Variants in TXK observed in about 807,000 individuals in gnomAD.
TXK encodes tyrosine-protein kinase TXK.
Under a neutral mutation model 81.0 loss-of-function variants are expected in TXK, and 60 were observed. The observed-to-expected ratio is 0.74, with a 90% confidence interval of 0.60 to 0.92. The LOEUF is 0.92. Ranked by LOEUF, TXK falls within the 40% of genes least tolerant of loss-of-function variation. The pLI is 0.00. For missense variants in TXK, 581 were observed against 638.3 expected (o/e 0.91, Z 0.97); for synonymous variants, 203 against 210.7 (o/e 0.96, Z 0.32).
chr4:48,079,004 G>A (rs1265655795), intron 11 of TXK, among the ~76,000 whole-genome samples: 11 of 152,154 alleles, frequency 7.2e-5, no homozygotes, highest in Non-Finnish European at 1.6e-4. Context: ...TCACATGATA[G>A]GTTAGGTGGT....
intron 5 of TXK, among the ~76,000 whole-genome samples, chr4:48,107,539 AT>A (rs897689741): frequency 6.6e-5 from 10 of 151,520 alleles, no homozygotes; most frequent in South Asian, 2.1e-4. Flanking sequence ...AGTTTATTTT[AT>A]TTTTTTTCTT....
At chr4:48,114,235 G>A in intron 2 of TXK, 113 bp downstream of exon 2, 1 of 1,066,604 alleles carries the variant, frequency 9.4e-7, no homozygotes, top group Non-Finnish European at 1.4e-6. Flanking sequence ...GAAAATGGGA[G>A]AAGGTTCCCA....
In TXK at chr4:48,067,724, G is replaced by A. The variant is rs1209468149; in HGVS notation, c.1516-19C>T. The A allele has an allele frequency of 6.2e-7, 1 of 1,612,252 alleles. No individual in the cohort carries two copies. Among genetic ancestry groups the A allele is most frequent in the Non-Finnish European group, 8.5e-7 (1 of 1,178,558 alleles). On this transcript the variant is annotated intron_variant, in intron 14 of 14. Transcript: ENST00000264316. ...CAGGTTTCTGGAAAAGGGAAGTGGG[G>A]GTGGTTAGCTCAGCTTAACCAACTT...
At chr4:48,111,517 G>A (rs1028334128) in intron 4 of TXK, among the ~76,000 whole-genome samples, 12 of 152,158 alleles carry the variant, frequency 7.9e-5, no homozygotes, top group Non-Finnish European at 1.0e-4. Context: ...TCTGAGGCAT[G>A]CCAATAGTAT....
rs1382914829 is a variant in TXK, at chr4:48,071,582, T to A, written c.1450A>T (p.Arg484Trp). The change falls in exon 14 of 15, where the codon AGG becomes TGG. Residue 484 changes from arginine to tryptophan, a missense_variant. Arg to Trp is a moderately radical substitution (Grantham distance 101, BLOSUM62 -3). Transcript: ENST00000264316. ...QVVEAISEGF[R>W]LYRPHLAPMS... ...GGTGCCAGGTGAGGGCGATATAGCC[T>A]GAAGCCTTCAGAAATAGCTTCCACG... 1 of 1,614,204 alleles carries A rather than the reference T, an allele frequency of 6.2e-7. No individual in the cohort carries two copies. The highest frequency in any genetic ancestry group is 2.2e-5 in the East Asian group (1 of 44,882).
chr4:48,113,372 C>T, intron 2 of TXK, 63 bp from the exon 3 acceptor site: 1 of 1,291,714 alleles, frequency 7.7e-7, no homozygotes, highest in South Asian at 1.4e-5. Context: ...TATACATCCA[C>T]TAGATTTTCA....
chr4:48,095,307 T>C, intron 6 of TXK, 85 bp from the exon 7 acceptor site: 1 of 1,001,780 alleles, frequency 1.0e-6, no homozygotes, highest in East Asian at 2.5e-5. Flanking sequence ...CAAAGCTATA[T>C]TGACTTACCA....
chr4:48,133,231 T>C (rs1316810645), intron 1 of TXK, among the ~76,000 whole-genome samples: 3 of 152,110 alleles, frequency 2.0e-5, no homozygotes, highest in Non-Finnish European at 4.4e-5. Context: ...GCTTGGTTTT[T>C]TTTTTTATTC....
chr4:48,124,565 T>A (rs1719037823), intron 1 of TXK, among the ~76,000 whole-genome samples: 2 of 152,108 alleles, frequency 1.3e-5, no homozygotes, highest in Non-Finnish European at 1.5e-5. Flanking sequence ...GAGCTCTTCT[T>A]TTTTTCCACT....
intron 10 of TXK, among the ~76,000 whole-genome samples, chr4:48,083,633 C>T (rs756667296): frequency 2.0e-5 from 3 of 152,204 alleles, no homozygotes; most frequent in Non-Finnish European, 4.4e-5. Flanking sequence ...TAGAAGCTAC[C>T]ACTTGGAGTT....
intron 12 of TXK, among the ~76,000 whole-genome samples, chr4:48,074,604 A>C (rs950056474): frequency 1.1e-4 from 16 of 152,142 alleles, no homozygotes; most frequent in African/African-American, 3.4e-4. Flanking sequence ...AACCAAGAAT[A>C]ACTACCGTCT....
At chr4:48,114,430 T>C in intron 1 of TXK, 28 bp from the exon 2 acceptor site, 1 of 1,612,636 alleles carries the variant, frequency 6.2e-7, no homozygotes, top group Non-Finnish European at 8.5e-7. Flanking sequence ...TCTCAGCTGT[T>C]AGAAAGCCAT....
At chr4:48,095,376 C>A (rs964433473) in intron 6 of TXK, among the ~76,000 whole-genome samples, 154 bp from the exon 7 acceptor site, 2 of 152,150 alleles carry the variant, frequency 1.3e-5, no homozygotes, top group African/African-American at 2.4e-5. Context: ...TACAAGTACA[C>A]AAAATCTTAT....
chr4:48,129,896 TGAA>T (rs1719203419), intron 1 of TXK, among the ~76,000 whole-genome samples: 1 of 152,186 alleles, frequency 6.6e-6, no homozygotes, highest in South Asian at 2.1e-4. Context: ...GCTTGTGATG[TGAA>T]GAAGTGCTTG....
At chr4:48,117,180 G>A (rs928945720) in intron 1 of TXK, among the ~76,000 whole-genome samples, 11 of 152,052 alleles carry the variant, frequency 7.2e-5, no homozygotes, top group African/African-American at 2.4e-4. Context: ...GAGTCACCGC[G>A]CTCGGCCCAT....
At chr4:48,117,962 A>G (rs1718855184) in intron 1 of TXK, among the ~76,000 whole-genome samples, 1 of 152,140 alleles carries the variant, frequency 6.6e-6, no homozygotes, top group Non-Finnish European at 1.5e-5. Context: ...CCTCCACAAC[A>G]TGGGTCATCT....
chr4:48,100,300 C>A (rs1458952245), intron 6 of TXK, among the ~76,000 whole-genome samples: 2 of 151,758 alleles, frequency 1.3e-5, no homozygotes, highest in Non-Finnish European at 2.9e-5. Flanking sequence ...AATAATGCCA[C>A]ATGTCACAAA....
rs759372623 is a variant in TXK at position 48,086,633 on chromosome 4, C to T, written c.789G>A (p.Lys263=). Reference sequence around the variant, plus strand: ...CCAACTCAGATGGATCTATCTCCCACTTTTCTGAAAAAGTAAAACATCCAT... The same window carrying T: ...CCAACTCAGATGGATCTATCTCCCATTTTTCTGAAAAAGTAAAACATCCAT... ...LPATAGFSYE[K]WEIDPSELAF... is the part of the protein sequence containing the mutation. Residue 263 remains lysine, a synonymous_variant, in exon 10 of 15, where the codon AAG becomes AAA. Transcript: ENST00000264316. The T allele has an allele frequency of 6.2e-7, 1 of 1,612,680 alleles. No individual in the cohort carries two copies. The highest frequency in any genetic ancestry group is 1.1e-5 in the South Asian group (1 of 90,884).
At position 48,109,627 on chromosome 4, in the gene TXK, T is replaced by C. The variant is rs540993681; in HGVS notation, c.446+911A>G. ...GAGAAATCTCATAGAGTAATGTAGA[T>C]GAGTCATGTGTCCTGAAGTCATCTC... On this transcript the variant is annotated intron_variant, in intron 5 of 14. Coordinates refer to ENST00000264316, the MANE Select transcript of TXK (RefSeq NM_003328.3). Among the ~76,000 whole-genome samples the C allele has an allele frequency of 3.9e-5, 6 of 152,298 alleles. No individual in the cohort carries two copies. In the East Asian group the frequency reaches 7.7e-4, roughly 20 times the overall value.
Sources: allele counts gnomAD v4.1 joint callset (sites outside exome capture counted in the v4.1 genomes callset), GRCh38; gene constraint gnomAD v4.1.1; transcripts MANE v1.5; gene names NCBI Gene and HGNC (gene_info 2026-07-23, HGNC 2026-07-21).